KIAA1217: variants seen among roughly 807,000 people sequenced by gnomAD.
The protein encoded by KIAA1217 is KIAA1217.
Under a neutral mutation model 163.9 loss-of-function variants are expected in KIAA1217, and 88 were observed. The ratio of observed to expected loss-of-function variants is 0.54; its 90% CI spans 0.45 to 0.64. The LOEUF is 0.64. KIAA1217 is among the 30% of genes least tolerant of loss of function. The probability of loss-of-function intolerance (pLI) is 0.00; values close to 1 mark genes in which losing one functional copy is unlikely to be tolerated. For synonymous variants in KIAA1217, 903 were observed against 923.1 expected (o/e 0.98, Z 0.39); for missense variants, 2,372 against 2,475.0 (o/e 0.96, Z 0.88).
At chr10:24,037,860 T>G (rs1589268585) in intron 2 of KIAA1217, among the ~76,000 whole-genome samples, 2 of 152,226 alleles carry the variant, frequency 1.3e-5, no homozygotes, top group South Asian at 4.1e-4. Flanking sequence ...CTTTCCTTTT[T>G]TGCTTTGGTG....
chr10:23,758,403 C>A (rs896115643), intron 1 of KIAA1217, among the ~76,000 whole-genome samples: 2 of 152,056 alleles, frequency 1.3e-5, no homozygotes, highest in Non-Finnish European at 2.9e-5. Context: ...CTGTTGTATT[C>A]CATTGGTCTG....
At chr10:23,719,641 T>C (rs943148900) in intron 1 of KIAA1217, among the ~76,000 whole-genome samples, 16 of 149,084 alleles carry the variant, frequency 1.1e-4, no homozygotes, top group African/African-American at 4.1e-4. Flanking sequence ...TAAAAGGCTA[T>C]ATCTATATAT....
At chr10:24,311,561 A>G (rs1157486634) in intron 2 of KIAA1217, among the ~76,000 whole-genome samples, 3 of 152,192 alleles carry the variant, frequency 2.0e-5, no homozygotes, top group Non-Finnish European at 4.4e-5. Flanking sequence ...ATGTGACCAC[A>G]TTGCTTTTTC....
At chr10:23,858,139 C>T (rs541776148) in intron 1 of KIAA1217, among the ~76,000 whole-genome samples, 3 of 151,998 alleles carry the variant, frequency 2.0e-5, no homozygotes, top group African/African-American at 7.2e-5. Flanking sequence ...AAACGGGAGC[C>T]AAGGCCGGAT....
chr10:23,910,429 C>T (rs1471308912), intron 1 of KIAA1217, among the ~76,000 whole-genome samples: 1 of 152,012 alleles, frequency 6.6e-6, no homozygotes, highest in African/African-American at 2.4e-5. Flanking sequence ...AGGAGGACTC[C>T]CAAGGAAACC....
At chr10:24,316,107 A>T (rs1386499201) in intron 2 of KIAA1217, among the ~76,000 whole-genome samples, 1 of 152,152 alleles carries the variant, frequency 6.6e-6, no homozygotes, top group Non-Finnish European at 1.5e-5. Context: ...TGTGTTCAGT[A>T]TGTATCCTGA....
rs927717449 is a variant in KIAA1217 at position 23,708,820 on chromosome 10, A to G, written c.-321+13586A>G. Among the ~76,000 whole-genome samples the G allele has an allele frequency of 4.6e-5, 7 of 152,186 alleles. No individual in the cohort carries two copies. In the South Asian group the frequency reaches 1.5e-3, roughly 32 times the overall value. On this transcript the variant is annotated intron_variant, in intron 1 of 18. Transcript: ENST00000376462. ...AGATGACTCTTCCTAGTTCATGGAG[A>G]ATGGATTAATGGGGCCAGACAGAGG... is the stretch of plus-strand genomic sequence containing the variant.
intron 10 of KIAA1217, among the ~76,000 whole-genome samples, chr10:24,515,755 A>G (rs908907450): frequency 1.3e-5 from 2 of 152,214 alleles, no homozygotes; most frequent in Non-Finnish European, 2.9e-5. Flanking sequence ...CACAAACAGT[A>G]TCTTGCACAT....
chr10:24,545,467 A>G (rs900688193), intron 20 of KIAA1217: 12 of 1,278,856 alleles, frequency 9.4e-6, no homozygotes, highest in Middle Eastern at 3.0e-4. Context: ...ACTAACGTCT[A>G]TGTTGACTGT....
At chr10:24,399,360 C>T (rs866887558) in intron 3 of KIAA1217, among the ~76,000 whole-genome samples, 3 of 152,034 alleles carry the variant, frequency 2.0e-5, no homozygotes, top group East Asian at 1.9e-4. Context: ...TTCTTTTTAC[C>T]GATGATGTTA....
At chr10:24,174,571 C>T (rs2065780593) in intron 2 of KIAA1217, among the ~76,000 whole-genome samples, 2 of 152,118 alleles carry the variant, frequency 1.3e-5, no homozygotes, top group Non-Finnish European at 1.5e-5. Flanking sequence ...GGAGCATGAC[C>T]CTCTCAACAA....
At chr10:24,195,867 G>C (rs550409451) in intron 2 of KIAA1217, among the ~76,000 whole-genome samples, 1 of 152,206 alleles carries the variant, frequency 6.6e-6, no homozygotes, top group Non-Finnish European at 1.5e-5. Context: ...AGTGGCTCAC[G>C]CCTGTAATCC....
At chr10:24,394,432 G>A (rs1325547408) in intron 3 of KIAA1217, among the ~76,000 whole-genome samples, 1 of 148,984 alleles carries the variant, frequency 6.7e-6, no homozygotes. Flanking sequence ...CCCAAGTTTT[G>A]CCCACTCTCG....
At chr10:24,069,822 T>C (rs1301632005) in intron 2 of KIAA1217, among the ~76,000 whole-genome samples, 1 of 152,152 alleles carries the variant, frequency 6.6e-6, no homozygotes, top group African/African-American at 2.4e-5. Flanking sequence ...CTTTTAAATT[T>C]TTCTTTCTTT....
At chr10:24,278,012 G>A (rs2077496466) in intron 2 of KIAA1217, among the ~76,000 whole-genome samples, 1 of 152,224 alleles carries the variant, frequency 6.6e-6, no homozygotes, top group South Asian at 2.1e-4. Context: ...TGTCCTTTGA[G>A]GACGGACGCA....
intron 2 of KIAA1217, among the ~76,000 whole-genome samples, chr10:24,088,606 C>T (rs1589447882): frequency 1.6e-5 from 2 of 122,128 alleles, no homozygotes; most frequent in East Asian, 3.9e-4. Flanking sequence ...TCATCCATGT[C>T]CCTACAAAGG....
chr10:24,002,725 T>C (rs1004174097), intron 1 of KIAA1217, among the ~76,000 whole-genome samples: 1 of 152,182 alleles, frequency 6.6e-6, no homozygotes, highest in Non-Finnish European at 1.5e-5. Context: ...TTAGTGGTGA[T>C]TTCTGAGATT....
chr10:24,458,114 G>A (rs2061994212), intron 5 of KIAA1217, among the ~76,000 whole-genome samples: 1 of 152,202 alleles, frequency 6.6e-6, no homozygotes, highest in Non-Finnish European at 1.5e-5. Flanking sequence ...ATGGCAGGGC[G>A]TGGGCAGAGA....
intron 1 of KIAA1217, among the ~76,000 whole-genome samples, chr10:23,976,498 C>T (rs1008955267): frequency 2.0e-5 from 3 of 152,196 alleles, no homozygotes; most frequent in African/African-American, 7.2e-5. Context: ...TATGCCAAAA[C>T]TCTCCCTCTT....
Sources: allele counts gnomAD v4.1 joint callset (sites outside exome capture counted in the v4.1 genomes callset), GRCh38; gene constraint gnomAD v4.1.1; transcripts MANE v1.5; gene names NCBI Gene and HGNC (gene_info 2026-07-23, HGNC 2026-07-21).